Variants in METTL15 observed in about 807,000 individuals in gnomAD.
METTL15 encodes methyltransferase 15, mitochondrial 12S rRNA N4-cytidine.
In METTL15, 34 loss-of-function variants were observed where a neutral mutation model predicts 38.3. The ratio of observed to expected loss-of-function variants is 0.89; its 90% CI spans 0.68 to 1.18. METTL15 has a LOEUF of 1.18. Ranked by LOEUF, METTL15 falls within the 50% of genes most tolerant of loss-of-function variation. The pLI, the probability that METTL15 is intolerant of heterozygous loss-of-function variation, is 0.00. For synonymous variants in METTL15, 162 were observed against 170.9 expected (o/e 0.95, Z 0.41); for missense variants, 438 against 498.4 (o/e 0.88, Z 1.15).
Position 28,281,834 on chromosome 11 carries a change from C to T in METTL15, c.408-8372C>T, listed in dbSNP as rs910438892. Among the ~76,000 whole-genome samples the T allele has an allele frequency of 1.4e-4, 21 of 152,250 alleles. 1 individual carries two copies. Among genetic ancestry groups the T allele is most frequent in the Middle Eastern group, 6.8e-3 (2 of 294 alleles). Reference sequence around the variant, plus strand: ...TGTCTGCAACTCAGTGATCATGGGACTGCCTATTACATATTAGTGAGTGGT... The same window carrying T: ...TGTCTGCAACTCAGTGATCATGGGATTGCCTATTACATATTAGTGAGTGGT... On this transcript the variant is annotated intron_variant, in intron 4 of 6. Transcript: ENST00000407364.
intron 3 of METTL15, among the ~76,000 whole-genome samples, chr11:28,195,126 A>G (rs182134627): frequency 6.6e-6 from 1 of 152,068 alleles, no homozygotes; most frequent in African/African-American, 2.4e-5. Flanking sequence ...TTGATTCCCT[A>G]TCTTTGCAAT....
At chr11:28,140,109 G>T (rs1565119509) in intron 3 of METTL15, among the ~76,000 whole-genome samples, 1 of 152,196 alleles carries the variant, frequency 6.6e-6, no homozygotes, top group Non-Finnish European at 1.5e-5. Flanking sequence ...TTGCCTTTCT[G>T]TTCCGAGCGT....
chr11:28,408,389 TC>T (rs1850694988), intron 5 of METTL15, among the ~76,000 whole-genome samples: 1 of 152,174 alleles, frequency 6.6e-6, no homozygotes, highest in Non-Finnish European at 1.5e-5. Context: ...CACCTCTGTT[TC>T]TATTTCAAGC....
chr11:28,405,600 G>A (rs1252953572), intron 5 of METTL15, among the ~76,000 whole-genome samples: 5 of 152,006 alleles, frequency 3.3e-5, no homozygotes, highest in Non-Finnish European at 2.9e-5. Context: ...AGAACATTAC[G>A]GGCTCTGGGA....
chr11:28,121,258 G>A (rs1852220535), intron 3 of METTL15, among the ~76,000 whole-genome samples: 1 of 152,034 alleles, frequency 6.6e-6, no homozygotes, highest in Admixed American at 6.6e-5. Context: ...TGCTTCCCCA[G>A]CACCAGTATA....
At chr11:28,134,498 C>T (rs769817153) in intron 3 of METTL15, 10 of 398,212 alleles carry the variant, frequency 2.5e-5, no homozygotes, top group Non-Finnish European at 4.4e-5. Context: ...CCTTCTGGTA[C>T]TGTCTGTCAA....
intron 4 of METTL15, among the ~76,000 whole-genome samples, chr11:28,361,323 T>C (rs1850136323): frequency 1.3e-5 from 2 of 151,734 alleles, no homozygotes; most frequent in African/African-American, 4.8e-5. Context: ...CAGCACCTGT[T>C]GTTTCCTGAC....
chr11:28,492,635 T>A (rs1210795339), intron 6 of METTL15, among the ~76,000 whole-genome samples: 2 of 152,158 alleles, frequency 1.3e-5, no homozygotes, highest in African/African-American at 4.8e-5. Flanking sequence ...CTGGAAAGCC[T>A]ATGTCAGGTC....
intron 6 of METTL15, among the ~76,000 whole-genome samples, chr11:28,318,441 C>T (rs1167675379): frequency 6.6e-6 from 1 of 151,896 alleles, no homozygotes; most frequent in South Asian, 2.1e-4. Flanking sequence ...ATGTAAAGTA[C>T]AAGAAGAGGG....
chr11:28,310,965 G>GT (rs1565244523), intron 6 of METTL15, among the ~76,000 whole-genome samples: 115 of 77,444 alleles, frequency 1.5e-3, no homozygotes, highest in African/African-American at 4.7e-3. Flanking sequence ...GGTGGTGGTG[G>GT]GTGTGTGTGT....
At chr11:28,217,118 A>C (rs1478334666) in intron 4 of METTL15, among the ~76,000 whole-genome samples, 1 of 152,096 alleles carries the variant, frequency 6.6e-6, no homozygotes, top group Non-Finnish European at 1.5e-5. Context: ...CTAATTCTAG[A>C]TCCCTGAGGA....
At chr11:28,361,822 G>A (rs1850142082) in intron 4 of METTL15, 1 of 152,154 alleles carries the variant, frequency 6.6e-6, no homozygotes, top group Non-Finnish European at 1.5e-5. Context: ...CTAATGAGTA[G>A]TTTTTGCTCT....
intron 5 of METTL15, among the ~76,000 whole-genome samples, chr11:28,378,984 C>G (rs1850353132): frequency 6.6e-6 from 1 of 151,598 alleles, no homozygotes; most frequent in Non-Finnish European, 1.5e-5. Flanking sequence ...TCCATTTTTC[C>G]TAGGTTTTCT....
chr11:28,382,898 G>A (rs1236508860), intron 5 of METTL15, among the ~76,000 whole-genome samples: 3 of 150,388 alleles, frequency 2.0e-5, no homozygotes, highest in Non-Finnish European at 4.4e-5. Context: ...CTTCTCTGTG[G>A]CCCTGGGTCC....
At chr11:28,296,638 T>A in intron 5 of METTL15, 115 bp from the exon 6 acceptor site, 1 of 1,071,890 alleles carries the variant, frequency 9.3e-7, no homozygotes, top group South Asian at 1.7e-5. Flanking sequence ...CTTTAAAACC[T>A]CACTTCTCCT....
intron 3 of METTL15, among the ~76,000 whole-genome samples, chr11:28,160,389 G>T (rs1023064346): frequency 5.9e-5 from 9 of 151,846 alleles, no homozygotes; most frequent in East Asian, 1.9e-4. Flanking sequence ...TCTCTTAAGG[G>T]TATTATACTA....
chr11:28,468,967 G>GCTTTGTA (rs1419501802), intron 6 of METTL15, among the ~76,000 whole-genome samples: 1 of 152,094 alleles, frequency 6.6e-6, no homozygotes, highest in Non-Finnish European at 1.5e-5. Context: ...AATTTTTTGT[G>GCTTTGTA]CTTTGTACAC....
chr11:28,230,516 A>G (rs942600139), intron 4 of METTL15, among the ~76,000 whole-genome samples: 4 of 151,990 alleles, frequency 2.6e-5, no homozygotes, highest in Non-Finnish European at 4.4e-5. Flanking sequence ...GACTATACCT[A>G]GAAAGACTTC....
At chr11:28,360,843 G>A (rs1167909081) in intron 4 of METTL15, among the ~76,000 whole-genome samples, 1 of 122,324 alleles carries the variant, frequency 8.2e-6, no homozygotes, top group East Asian at 2.3e-4. Context: ...AGAGTGTGAT[G>A]TTCCCCTTCC....
Sources: allele counts gnomAD v4.1 joint callset (sites outside exome capture counted in the v4.1 genomes callset), GRCh38; gene constraint gnomAD v4.1.1; transcripts MANE v1.5; gene names NCBI Gene and HGNC (gene_info 2026-07-23, HGNC 2026-07-21).